Variants in SDK1 observed in about 807,000 individuals in gnomAD.
The protein encoded by SDK1 is sidekick cell adhesion molecule 1.
In SDK1, 157 loss-of-function variants were observed where a neutral mutation model predicts 245.5. That is an observed-to-expected ratio of 0.64 (90% CI 0.56 to 0.73). The LOEUF (loss-of-function observed/expected upper bound fraction) is 0.73. Ranked by LOEUF, SDK1 falls within the 30% of genes least tolerant of loss-of-function variation. The pLI is 0.00. For missense variants in SDK1, 3,583 were observed against 3,002.3 expected (o/e 1.19, Z -4.52); for synonymous variants, 1,647 against 1,278.5 (o/e 1.29, Z -6.15).
At chr7:3,808,736 C>G (rs1233972166) in intron 4 of SDK1, among the ~76,000 whole-genome samples, 1 of 152,170 alleles carries the variant, frequency 6.6e-6, no homozygotes, top group Non-Finnish European at 1.5e-5. Flanking sequence ...TTTTCCAGAA[C>G]AGTGTCCATC....
At chr7:3,999,841 G>A (rs1202254148) in intron 14 of SDK1, among the ~76,000 whole-genome samples, 1 of 152,194 alleles carries the variant, frequency 6.6e-6, no homozygotes, top group South Asian at 2.1e-4. Context: ...CACCATGAGG[G>A]AGCACTGCTA....
chr7:3,514,679 G>C lies in SDK1; in HGVS notation c.299-104401G>C, dbSNP rs541600586. On this transcript the variant is annotated intron_variant, in intron 1 of 44. Coordinates refer to ENST00000404826, the MANE Select transcript of SDK1 (RefSeq NM_152744.4). ...AGTGGAAGGGAGCATATGCTTAGCT[G>C]TCATTTAAGGAGGTTTCTGAATATT... Among the ~76,000 whole-genome samples the C allele has an allele frequency of 2.6e-4, 39 of 152,296 alleles. 1 individual carries two copies. In the South Asian group the frequency reaches 8.1e-3, roughly 32 times the overall value.
intron 8 of SDK1, among the ~76,000 whole-genome samples, chr7:3,960,717 C>T (rs1363179642): frequency 6.6e-6 from 1 of 152,202 alleles, no homozygotes; most frequent in African/African-American, 2.4e-5. Context: ...CTGTTCTTCT[C>T]TGTTCCAGCT....
chr7:3,794,126 A>G (rs1778903502), intron 4 of SDK1, among the ~76,000 whole-genome samples: 1 of 152,170 alleles, frequency 6.6e-6, no homozygotes, highest in Non-Finnish European at 1.5e-5. Flanking sequence ...CCTTTTTTAA[A>G]AAAAGTATCA....
At chr7:4,067,293 A>G (rs927314945) in intron 19 of SDK1, among the ~76,000 whole-genome samples, 3 of 152,090 alleles carry the variant, frequency 2.0e-5, no homozygotes, top group Non-Finnish European at 2.9e-5. Flanking sequence ...TGGGAAAGGA[A>G]TTTGTTTTTG....
rs147520184 is a variant in SDK1 at position 3,343,925 on chromosome 7, A to G, written c.298+42041A>G. 3.0e-4 allele frequency among the ~76,000 whole-genome samples: 45 copies of G among 151,900 alleles called. No homozygotes were observed. The East Asian group carries it at 5.2e-3, about 18-fold the overall frequency. On this transcript the variant is annotated intron_variant, in intron 1 of 44. Transcript: ENST00000404826. ...ACTAACAGTTGAAAGCAGTAAACAT[A>G]TTACGGACATATTATTGATAAAAGA...
chr7:4,180,180 G>A (rs920018158), intron 35 of SDK1, among the ~76,000 whole-genome samples: 4 of 152,038 alleles, frequency 2.6e-5, no homozygotes, highest in African/African-American at 9.7e-5. Flanking sequence ...CCAGCGCCCA[G>A]CTCCAGCTCT....
chr7:3,507,960 C>T (rs1029502610), intron 1 of SDK1, among the ~76,000 whole-genome samples: 2 of 152,164 alleles, frequency 1.3e-5, no homozygotes, highest in East Asian at 1.9e-4. Context: ...TTCCTGGTGG[C>T]ATTTGACACT....
intron 1 of SDK1, among the ~76,000 whole-genome samples, chr7:3,500,783 T>C (rs1782178198): frequency 6.6e-6 from 1 of 152,106 alleles, no homozygotes; most frequent in African/African-American, 2.4e-5. Context: ...TTTGGAAGTT[T>C]TGCCTCCTAT....
chr7:4,157,924 A>G (rs1453568541), intron 30 of SDK1, among the ~76,000 whole-genome samples: 1 of 152,166 alleles, frequency 6.6e-6, no homozygotes, highest in Non-Finnish European at 1.5e-5. Context: ...GGTCTGGCCC[A>G]GTAAAGAGCT....
intron 1 of SDK1, among the ~76,000 whole-genome samples, chr7:3,569,075 A>T (rs1218440518): frequency 4.0e-5 from 6 of 151,852 alleles, no homozygotes; most frequent in African/African-American, 9.7e-5. Context: ...CATCTGAAAA[A>T]TTAACGAGTC....
intron 5 of SDK1, among the ~76,000 whole-genome samples, chr7:3,919,966 G>C (rs1401691468): frequency 6.6e-6 from 1 of 152,118 alleles, no homozygotes; most frequent in Admixed American, 6.5e-5. Context: ...AGCAGAGGGG[G>C]CACCACCAGC....
intron 1 of SDK1, among the ~76,000 whole-genome samples, chr7:3,413,060 G>T (rs1378800526): frequency 6.6e-6 from 1 of 152,184 alleles, no homozygotes; most frequent in East Asian, 1.9e-4. Context: ...TTGTAACTTG[G>T]CAGGGGGCAG....
At chr7:3,755,931 CAT>C (rs1228801364) in intron 4 of SDK1, among the ~76,000 whole-genome samples, 2 of 151,588 alleles carry the variant, frequency 1.3e-5, no homozygotes, top group East Asian at 3.9e-4. Context: ...ACGTGTGACA[CAT>C]GTATATCGTT....
At chr7:3,740,856 T>C (rs541173396) in intron 4 of SDK1, among the ~76,000 whole-genome samples, 8 of 152,334 alleles carry the variant, frequency 5.3e-5, no homozygotes, top group African/African-American at 1.9e-4. Flanking sequence ...ATGAAGGAGA[T>C]GATTTTCAGA....
intron 1 of SDK1, among the ~76,000 whole-genome samples, chr7:3,343,424 C>T (rs1780407426): frequency 6.6e-6 from 1 of 152,266 alleles, no homozygotes; most frequent in African/African-American, 2.4e-5. Flanking sequence ...TTGTATAATT[C>T]CATTGATGTA....
chr7:3,450,237 G>C (rs558800078), intron 1 of SDK1, among the ~76,000 whole-genome samples: 1 of 152,322 alleles, frequency 6.6e-6, no homozygotes, highest in South Asian at 2.1e-4. Flanking sequence ...GTAATAGTGA[G>C]GAAGACCTCT....
chr7:3,458,157 A>T (rs951363047), intron 1 of SDK1, among the ~76,000 whole-genome samples: 1 of 148,832 alleles, frequency 6.7e-6, no homozygotes, highest in African/African-American at 2.5e-5. Flanking sequence ...ATATTCGTTG[A>T]TGTGGCATGG....
chr7:3,766,816 A>G (rs778021081), intron 4 of SDK1, among the ~76,000 whole-genome samples: 1 of 152,210 alleles, frequency 6.6e-6, no homozygotes, highest in Non-Finnish European at 1.5e-5. Flanking sequence ...TATATGGACT[A>G]TTAGATGTGG....
Sources: gnomAD v4.1 joint callset for allele counts (sites outside exome capture counted in the v4.1 genomes callset) on GRCh38, gnomAD v4.1.1 for gene constraint, MANE v1.5 for transcripts, NCBI Gene and HGNC (gene_info 2026-07-23, HGNC 2026-07-21) for gene names.